PCDHGA2: variants seen among roughly 807,000 people sequenced by gnomAD.
PCDHGA2 encodes protocadherin gamma subfamily A, 2.
In PCDHGA2, 40 loss-of-function variants were observed where a neutral mutation model predicts 59.2. That is an observed-to-expected ratio of 0.68 (90% CI 0.52 to 0.88). The LOEUF is 0.88. Ranked by LOEUF, PCDHGA2 falls within the 40% of genes least tolerant of loss-of-function variation. The probability of loss-of-function intolerance (pLI) is 0.00; values close to 1 mark genes in which losing one functional copy is unlikely to be tolerated. For synonymous variants in PCDHGA2, 560 were observed against 526.0 expected (o/e 1.06, Z -0.89); for missense variants, 1,226 against 1,204.0 (o/e 1.02, Z -0.27).
intron 1 of PCDHGA2, chr5:141,366,221 G>A (rs774963460): frequency 2.5e-6 from 4 of 1,613,834 alleles, no homozygotes; most frequent in Non-Finnish European, 3.4e-6. Flanking sequence ...CACAGCGCGA[G>A]CCCTGCTGGA....
chr5:141,394,607 G>A (rs769750411), intron 1 of PCDHGA2: 17 of 1,613,530 alleles, frequency 1.1e-5, no homozygotes, highest in Non-Finnish European at 1.4e-5. Context: ...ACAGAGACTC[G>A]GGCCAGAACG....
At chr5:141,471,932 A>T (rs1015576042) in intron 1 of PCDHGA2, among the ~76,000 whole-genome samples, 1 of 152,158 alleles carries the variant, frequency 6.6e-6, no homozygotes, top group Non-Finnish European at 1.5e-5. Context: ...GGGGGTGATG[A>T]GAGTTTTCTA....
chr5:141,361,540 G>A, intron 1 of PCDHGA2: 1 of 1,614,018 alleles, frequency 6.2e-7, no homozygotes, highest in Admixed American at 1.7e-5. Context: ...TCCTCCTGGC[G>A]CCTCTATCGC....
rs116716465 is a variant in PCDHGA2, at chr5:141,484,286, C to T, written c.2425-10521C>T. ...GATTCTTTACTGTTTTGAAACATCTCCCTCTCCTGGCTTCCTCCACCCCGC... is the reference window on the plus strand; with the variant it reads ...GATTCTTTACTGTTTTGAAACATCTTCCTCTCCTGGCTTCCTCCACCCCGC... On this transcript the variant is annotated intron_variant, in intron 1 of 3. Coordinates refer to ENST00000394576, the MANE Select transcript of PCDHGA2 (RefSeq NM_018915.4). 8.3e-3 allele frequency among the ~76,000 whole-genome samples: 1,266 copies of T among 152,294 alleles called. 10 individuals carry two copies. The highest frequency in any genetic ancestry group is 0.014 in the Non-Finnish European group (936 of 68,022).
At position 141,394,517 on chromosome 5, in the gene PCDHGA2, C is replaced by T. The variant is rs1226195225; in HGVS notation, c.2424+53122C>T. On this transcript the variant is annotated intron_variant, in intron 1 of 3. Transcript: ENST00000394576. ...CCGAGATCCTGTACCCCGCCCTCCC[C>T]ACAGACGGTTCCACTGGCGTGGAGC... 5 of 1,614,116 alleles carry T rather than the reference C, an allele frequency of 3.1e-6. No individual in the cohort carries two copies. The Admixed American group carries it at 5.0e-5, about 16-fold the overall frequency.
intron 1 of PCDHGA2, chr5:141,371,538 A>T: frequency 6.2e-7 from 1 of 1,613,804 alleles, no homozygotes; most frequent in Non-Finnish European, 8.5e-7. Context: ...TAATGGAGAA[A>T]TCCTATGCCA....
chr5:141,400,062 T>A (rs2093953641), intron 1 of PCDHGA2: 2 of 1,613,652 alleles, frequency 1.2e-6, no homozygotes, highest in Middle Eastern at 1.7e-4. Flanking sequence ...TGCGTGATGG[T>A]GGACAGCCGC....
intron 1 of PCDHGA2, chr5:141,366,577 C>A (rs376647678): frequency 1.2e-6 from 2 of 1,614,118 alleles, no homozygotes; most frequent in African/African-American, 2.7e-5. Context: ...TTCGGGCTTT[C>A]CTGCAGACCT....
In PCDHGA2 at chr5:141,512,903, C is replaced by G. The variant is rs2099884492; in HGVS notation, c.*1730C>G. On this transcript the variant is annotated 3_prime_UTR_variant, in exon 4 of 4. Coordinates refer to ENST00000394576, the MANE Select transcript of PCDHGA2 (RefSeq NM_018915.4). ...CCCCACCCTCTTCCTGTGTCTCACG[C>G]AAGTTTTATACTCTAATATTTATAT... 6.6e-6 allele frequency: 1 copy of G among 152,224 alleles called. No homozygotes were observed. Among genetic ancestry groups the G allele is most frequent in the African/African-American group, 2.4e-5 (1 of 41,452 alleles). 9.4% of individuals were successfully genotyped at this position (152,224 alleles called of 1,614,324 possible).
At chr5:141,428,286 A>G in intron 1 of PCDHGA2, 1 of 730,462 alleles carries the variant, frequency 1.4e-6, no homozygotes, top group Non-Finnish European at 2.4e-6. Flanking sequence ...ATTCCCAAGC[A>G]AAGCTGCAGA....
Position 141,390,256 on chromosome 5 carries a change from A to G in PCDHGA2, c.2424+48861A>G, listed in dbSNP as rs2150415347. On this transcript the variant is annotated intron_variant, in intron 1 of 3. Coordinates refer to ENST00000394576, the MANE Select transcript of PCDHGA2 (RefSeq NM_018915.4). ...TCTGGGGCCTTATTTCCACTTTGTAATTCCAGTGAATTGACTTCCCATCAG... is the reference window on the plus strand; with the variant it reads ...TCTGGGGCCTTATTTCCACTTTGTAGTTCCAGTGAATTGACTTCCCATCAG... 6 of 1,614,022 alleles carry G rather than the reference A, an allele frequency of 3.7e-6. No homozygotes were observed. The East Asian group carries it at 1.3e-4, about 36-fold the overall frequency.
intron 1 of PCDHGA2, chr5:141,415,444 T>A (rs770800491): frequency 1.9e-6 from 3 of 1,614,184 alleles, no homozygotes; most frequent in Non-Finnish European, 2.5e-6. Context: ...CCTGCAGACC[T>A]ATTCCCACGA....
intron 1 of PCDHGA2, chr5:141,350,468 G>C (rs756415779): frequency 1.2e-6 from 2 of 1,613,906 alleles, no homozygotes; most frequent in Non-Finnish European, 1.7e-6. Flanking sequence ...TAGTGCAGAG[G>C]ATTATTTCAA....
rs1349189547 is a variant in PCDHGA2 at position 141,432,777 on chromosome 5, C to T, written c.2425-62030C>T. Reference sequence around the variant, plus strand: ...GCCGACAGCATCCCCCAAGTCCTGGCGGACCTCGGCAGCCTCGAGTCTCCA... The same window carrying T: ...GCCGACAGCATCCCCCAAGTCCTGGTGGACCTCGGCAGCCTCGAGTCTCCA... On this transcript the variant is annotated intron_variant, in intron 1 of 3. Coordinates refer to ENST00000394576, the MANE Select transcript of PCDHGA2 (RefSeq NM_018915.4). This position sits in a 1 kb window ranked among gnomAD's most constrained non-coding sequence, Gnocchi z 6.0. The T allele has an allele frequency of 6.2e-6, 10 of 1,614,154 alleles. No individual in the cohort carries two copies. The highest frequency in any genetic ancestry group is 7.6e-6 in the Non-Finnish European group (9 of 1,179,992).
chr5:141,423,517 T>A (rs750915364), intron 1 of PCDHGA2: 1 of 1,613,834 alleles, frequency 6.2e-7, no homozygotes, highest in Admixed American at 1.7e-5. Context: ...CATTGCGGAC[T>A]CGCAGAAGAG....
intron 1 of PCDHGA2, chr5:141,419,330 C>T: frequency 1.2e-6 from 2 of 1,613,956 alleles, no homozygotes; most frequent in South Asian, 1.1e-5. Flanking sequence ...CTCCTACTCT[C>T]TCATTGCCAG....
At chr5:141,488,472 T>C (rs1183465817) in intron 1 of PCDHGA2, among the ~76,000 whole-genome samples, 1 of 152,096 alleles carries the variant, frequency 6.6e-6, no homozygotes, top group East Asian at 1.9e-4. Context: ...CCAGAAATGT[T>C]CCCCTACCCA....
intron 1 of PCDHGA2, among the ~76,000 whole-genome samples, chr5:141,468,777 A>T (rs2099178581): frequency 6.7e-6 from 1 of 150,364 alleles, no homozygotes; most frequent in Non-Finnish European, 1.5e-5. Flanking sequence ...GAGGCAGGAG[A>T]ATGGCGTGAA....
intron 1 of PCDHGA2, chr5:141,391,341 C>G (rs2092360139): frequency 6.9e-6 from 1 of 145,086 alleles, no homozygotes. Flanking sequence ...GAGACAGAGT[C>G]TCTGTCTGTT....
Sources: gnomAD v4.1 joint callset for allele counts (sites outside exome capture counted in the v4.1 genomes callset) on GRCh38, gnomAD v4.1.1 for gene constraint, Gnocchi (gnomAD v3.1) non-coding constraint, MANE v1.5 for transcripts, NCBI Gene and HGNC (gene_info 2026-07-23, HGNC 2026-07-21) for gene names.